The following FYB1 variants were observed in gnomAD, a reference collection of about 807,000 sequenced individuals.
The protein encoded by FYB1 is FYN-binding protein 1.
FYB1 carries 41 observed loss-of-function variants against 94.1 expected under a neutral mutation model. The ratio of observed to expected loss-of-function variants is 0.44; its 90% CI spans 0.34 to 0.57. The LOEUF (loss-of-function observed/expected upper bound fraction) is 0.57. FYB1 is among the 20% of genes least tolerant of loss of function. The pLI, the probability that FYB1 is intolerant of heterozygous loss-of-function variation, is 0.02. For missense variants in FYB1, 1,050 were observed against 976.8 expected, an observed-to-expected ratio of 1.07 and a Z score of -1.00; for synonymous variants, 367 against 353.2, an observed-to-expected ratio of 1.04 and a Z score of -0.44.
chr5:39,141,436 CA>C (rs1392214820), intron 3 of FYB1, among the ~76,000 whole-genome samples: 1 of 152,158 alleles, frequency 6.6e-6, no homozygotes, highest in Non-Finnish European at 1.5e-5. Flanking sequence ...AGTAAATCAA[CA>C]CTTCAATTCT....
At position 39,138,585 on chromosome 5, in the gene FYB1, C is replaced by T. The variant is rs113375894; in HGVS notation, c.1394+72G>A. The T allele has an allele frequency of 3.6e-3, 3,007 of 827,868 alleles. 71 individuals are homozygous for T. In the African/African-American group the frequency reaches 0.046, roughly 13 times the overall value. The allele number at this position is 827,868 out of a possible 1,614,324, so 51.3% of individuals were successfully genotyped here. On this transcript the variant is annotated intron_variant, in intron 6 of 18. Transcript: ENST00000512982. ...CTTCCCTCCTAGTGTTGTTATATACCCACTCTCCCTCATACAAAACATTAT... is the reference window on the plus strand; with the variant it reads ...CTTCCCTCCTAGTGTTGTTATATACTCACTCTCCCTCATACAAAACATTAT...
intron 16 of FYB1, among the ~76,000 whole-genome samples, chr5:39,118,637 G>T (rs1055882980): frequency 6.6e-6 from 1 of 152,100 alleles, no homozygotes; most frequent in African/African-American, 2.4e-5. Flanking sequence ...CAGTAATTTG[G>T]CATTATCTTT....
chr5:39,134,844 T>C lies in FYB1; in HGVS notation c.1675+11A>G. The C allele has an allele frequency of 6.2e-7, 1 of 1,613,314 alleles. No homozygotes were observed. The highest frequency in any genetic ancestry group is 8.5e-7 in the Non-Finnish European group (1 of 1,179,474). On this transcript the variant is annotated intron_variant, in intron 8 of 18. Coordinates refer to ENST00000512982, the MANE Select transcript of FYB1 (RefSeq NM_001465.6). ...AAAATACTTCGAAGCCATAGAGAAATTTGCACTCACATGAACCCCTTGCTG... is the reference window on the plus strand; with the variant it reads ...AAAATACTTCGAAGCCATAGAGAAACTTGCACTCACATGAACCCCTTGCTG...
intron 2 of FYB1, among the ~76,000 whole-genome samples, chr5:39,173,802 A>G (rs1368432963): frequency 1.3e-5 from 2 of 152,072 alleles, no homozygotes; most frequent in Non-Finnish European, 2.9e-5. Context: ...GCTGGTCTAT[A>G]TGTCTGTTTT....
chr5:39,124,701 A>G (rs1325631052), intron 12 of FYB1, among the ~76,000 whole-genome samples: 1 of 152,122 alleles, frequency 6.6e-6, no homozygotes, highest in Non-Finnish European at 1.5e-5. Flanking sequence ...TACAGACTCA[A>G]AATTAATAGA....
At chr5:39,219,594 C>T (rs1329998170), upstream of FYB1, 8 of 985,104 alleles carry the variant, frequency 8.1e-6, no homozygotes, top group South Asian at 1.9e-4. Context: ...AGGGTTTTGT[C>T]CCGGTCAGTG....
At chr5:39,242,724 CAG>C (rs888972152) in intron 1 of FYB1, among the ~76,000 whole-genome samples, 1 of 152,172 alleles carries the variant, frequency 6.6e-6, no homozygotes, top group African/African-American at 2.4e-5. Context: ...CACTGTCATC[CAG>C]AGTGTTTGAA....
rs1386206725 is a variant in FYB1 at position 39,219,447 on chromosome 5, C to T, written c.-32G>A. ...AAACCTAGGCATAGCTGTTACCTGA[C>T]TCCTGCAGAAGAAGGCGGAAGGATG... On this transcript the variant is annotated 5_prime_UTR_variant, in exon 1 of 19. Coordinates refer to ENST00000512982, the MANE Select transcript of FYB1 (RefSeq NM_001465.6). The T allele has an allele frequency of 1.0e-6, 1 of 985,410 alleles. No individual in the cohort carries two copies. The highest frequency in any genetic ancestry group is 1.1e-4 in the East Asian group (1 of 8,830). The allele number at this position is 985,410 out of a possible 1,614,324, so 61.0% of individuals were successfully genotyped here.
At chr5:39,189,227 T>C (rs1420380838) in intron 2 of FYB1, among the ~76,000 whole-genome samples, 1 of 107,650 alleles carries the variant, frequency 9.3e-6, no homozygotes, top group East Asian at 2.6e-4. Flanking sequence ...ACGCCTTTTA[T>C]GGAATTCCTT....
intron 3 of FYB1, among the ~76,000 whole-genome samples, chr5:39,144,660 A>C (rs1742486905): frequency 6.6e-6 from 1 of 151,886 alleles, no homozygotes; most frequent in Admixed American, 6.6e-5. Context: ...AAATTAGCCG[A>C]GTGTGGTGGC....
intron 16 of FYB1, among the ~76,000 whole-genome samples, chr5:39,111,950 C>T (rs892145256): frequency 4.6e-5 from 7 of 151,870 alleles, no homozygotes; most frequent in South Asian, 4.1e-4. Flanking sequence ...ATCTATAGTC[C>T]GTGGGTAGGC....
intron 2 of FYB1, among the ~76,000 whole-genome samples, chr5:39,191,669 A>G (rs571391509): frequency 1.3e-5 from 2 of 152,256 alleles, no homozygotes; most frequent in Non-Finnish European, 2.9e-5. Flanking sequence ...TGGTTAATAT[A>G]GCAGTTAAAT....
chr5:39,261,946 T>G (rs1752239017), intron 1 of FYB1, among the ~76,000 whole-genome samples: 1 of 152,136 alleles, frequency 6.6e-6, no homozygotes, highest in Non-Finnish European at 1.5e-5. Context: ...TGGTTATCCA[T>G]ATCAGCTAAT....
At chr5:39,120,248 G>A (rs1309038087) in intron 14 of FYB1, among the ~76,000 whole-genome samples, 2 of 151,894 alleles carry the variant, frequency 1.3e-5, no homozygotes, top group African/African-American at 4.8e-5. Context: ...GTGTGTGTGT[G>A]TGTATGAAAG....
chr5:39,191,196 A>G (rs374223978), intron 2 of FYB1, among the ~76,000 whole-genome samples: 2 of 152,198 alleles, frequency 1.3e-5, no homozygotes, highest in South Asian at 2.1e-4. Context: ...TCATATCGCC[A>G]CACAGGTTGC....
chr5:39,202,382 G>A lies in FYB1; in HGVS notation c.579C>T (p.Phe193=), dbSNP rs930524088. ...GCTTCTGGCCAAAGGCGGGTTTGGG[G>A]AAGAGGGGCTTGGGTTCAAGATCTT... ...ASQDLEPKPL[F]PKPAFGQKPP... is the part of the protein sequence containing the mutation. The change falls in exon 2 of 19, where the codon TTC becomes TTT. Residue 193 remains phenylalanine, a synonymous_variant. Coordinates refer to ENST00000512982, the MANE Select transcript of FYB1 (RefSeq NM_001465.6). 8.1e-6 allele frequency: 13 copies of A among 1,613,880 alleles called. No homozygotes were observed. Among genetic ancestry groups the A allele is most frequent in the Non-Finnish European group, 1.1e-5 (13 of 1,179,906 alleles).
rs547272565 is a variant in FYB1, at chr5:39,161,500, G to A, written c.1136-7896C>T. 6.6e-5 allele frequency among the ~76,000 whole-genome samples: 10 copies of A among 151,866 alleles called. No individual in the cohort carries two copies. The South Asian group carries it at 2.1e-3, about 32-fold the overall frequency. ...TTCTATGTATTTTTTTACAGAAATG[G>A]AACCATGGTATATACATTATTCTGT... On this transcript the variant is annotated intron_variant, in intron 2 of 18. Transcript: ENST00000512982.
intron 7 of FYB1, among the ~76,000 whole-genome samples, chr5:39,135,569 T>C (rs927141011): frequency 2.0e-5 from 3 of 152,252 alleles, no homozygotes; most frequent in Non-Finnish European, 4.4e-5. Flanking sequence ...GATAATGATG[T>C]TGGTTAGACT....
chr5:39,202,799 T>A lies in FYB1; in HGVS notation c.162A>T (p.Val54=). 1 of 1,613,970 alleles carries A rather than the reference T, an allele frequency of 6.2e-7. No individual in the cohort carries two copies. Among genetic ancestry groups the A allele is most frequent in the South Asian group, 1.1e-5 (1 of 91,082 alleles). The part of the protein sequence containing the change: ...NASPPAGPSN[V]PKFGSPKPPV... The stretch of plus-strand genomic sequence containing the variant: ...GTGGCTTTGGGGACCCAAACTTAGG[T>A]ACATTGCTGGGTCCTGCAGGAGGGC... The change falls in exon 2 of 19, where the codon GTA becomes GTT. Residue 54 remains valine, a synonymous_variant. Transcript: ENST00000512982.
Sources: allele counts gnomAD v4.1 joint callset (sites outside exome capture counted in the v4.1 genomes callset), GRCh38; gene constraint gnomAD v4.1.1; transcripts MANE v1.5; gene names NCBI Gene and HGNC (gene_info 2026-07-23, HGNC 2026-07-21).